Variants in GRK5 observed in about 807,000 individuals in gnomAD.
The protein encoded by GRK5 is g protein-coupled receptor kinase GRK5.
Under a neutral mutation model 78.4 loss-of-function variants are expected in GRK5, and 40 were observed. The observed-to-expected ratio is 0.51, with a 90% CI of 0.40 to 0.66. The LOEUF (loss-of-function observed/expected upper bound fraction) is 0.66, where lower values mean the gene tolerates loss of function less well. GRK5 is among the 30% of genes least tolerant of loss of function. The pLI is 0.00. For synonymous variants in GRK5, 289 were observed against 296.8 expected (o/e 0.97, Z 0.27); for missense variants, 598 against 759.9 (o/e 0.79, Z 2.50).
chr10:119,243,444 C>T (rs1849056766), intron 1 of GRK5, among the ~76,000 whole-genome samples: 1 of 152,148 alleles, frequency 6.6e-6, no homozygotes, highest in Non-Finnish European at 1.5e-5. Flanking sequence ...AACCCTTTGA[C>T]AGCAACTGAT....
intron 2 of GRK5, chr10:119,333,966 C>T (rs904405042): frequency 1.2e-4 from 49 of 422,900 alleles, no homozygotes; most frequent in African/African-American, 7.7e-4. Flanking sequence ...GATCTCTCTG[C>T]GAGCTCCCTG....
At chr10:119,230,570 T>C (rs1848810003) in intron 1 of GRK5, among the ~76,000 whole-genome samples, 1 of 151,822 alleles carries the variant, frequency 6.6e-6, no homozygotes, top group African/African-American at 2.4e-5. Context: ...CAAATACCTG[T>C]CCCCATGATT....
chr10:119,343,699 C>T (rs940714739), intron 2 of GRK5, among the ~76,000 whole-genome samples: 2 of 152,174 alleles, frequency 1.3e-5, no homozygotes, highest in South Asian at 2.1e-4. Flanking sequence ...GGGTTGGGCC[C>T]GGGACACCAG....
intron 4 of GRK5, among the ~76,000 whole-genome samples, chr10:119,405,242 G>A (rs1471354144): frequency 2.0e-5 from 3 of 152,120 alleles, no homozygotes; most frequent in African/African-American, 4.8e-5. Flanking sequence ...CTGGTATGGC[G>A]TCCTTCTGTG....
intron 2 of GRK5, among the ~76,000 whole-genome samples, chr10:119,341,989 C>T (rs1332298350): frequency 6.6e-6 from 1 of 152,204 alleles, no homozygotes; most frequent in African/African-American, 2.4e-5. Context: ...TTGCAGGCCC[C>T]TATCCGACCT....
At chr10:119,332,636 T>C (rs1029125424) in intron 2 of GRK5, among the ~76,000 whole-genome samples, 1 of 152,214 alleles carries the variant, frequency 6.6e-6, no homozygotes, top group Non-Finnish European at 1.5e-5. Flanking sequence ...ACTCTCTAAA[T>C]CCTATCCATG....
intron 4 of GRK5, among the ~76,000 whole-genome samples, chr10:119,403,339 G>T (rs1037389992): frequency 6.6e-6 from 1 of 152,026 alleles, no homozygotes; most frequent in African/African-American, 2.4e-5. Context: ...GCTAATTTTT[G>T]TATTTTTAGT....
At chr10:119,403,358 G>C (rs113502090) in intron 4 of GRK5, among the ~76,000 whole-genome samples, 2,738 of 152,176 alleles carry the variant, frequency 0.018, 83 homozygotes, top group African/African-American at 0.063. Context: ...GTAGAGACGG[G>C]GTTTCACCGT....
chr10:119,402,118 G>A (rs755308170), intron 4 of GRK5, among the ~76,000 whole-genome samples: 9 of 152,164 alleles, frequency 5.9e-5, no homozygotes, highest in South Asian at 4.1e-4. Flanking sequence ...ACTTCCTCTC[G>A]CAGTCCATGG....
intron 2 of GRK5, among the ~76,000 whole-genome samples, chr10:119,327,369 G>A (rs1378267104): frequency 6.6e-6 from 1 of 152,182 alleles, no homozygotes; most frequent in African/African-American, 2.4e-5. Context: ...TGGGGTCCCG[G>A]CCCTTCTCCC....
chr10:119,269,872 T>C (rs1589713496), intron 1 of GRK5, among the ~76,000 whole-genome samples: 1 of 145,786 alleles, frequency 6.9e-6, no homozygotes, highest in Admixed American at 6.8e-5. Context: ...GAGTTGGCTC[T>C]CCAAGCCTCT....
At chr10:119,226,714 T>C (rs923468838) in intron 1 of GRK5, among the ~76,000 whole-genome samples, 2 of 151,584 alleles carry the variant, frequency 1.3e-5, no homozygotes, top group African/African-American at 4.9e-5. Flanking sequence ...CCGGCTTTTT[T>C]TTTTCTTTTT....
At chr10:119,363,063 T>A (rs1851391260) in intron 2 of GRK5, among the ~76,000 whole-genome samples, 1 of 152,156 alleles carries the variant, frequency 6.6e-6, no homozygotes, top group Non-Finnish European at 1.5e-5. Flanking sequence ...GTGGATCACC[T>A]GAAGTCAGGA....
intron 4 of GRK5, among the ~76,000 whole-genome samples, chr10:119,409,160 G>C (rs1852293267): frequency 1.3e-5 from 2 of 152,228 alleles, no homozygotes; most frequent in Non-Finnish European, 2.9e-5. Context: ...ACTCTGCGCT[G>C]TGTCCTTAGC....
chr10:119,240,652 C>T (rs969268373), intron 1 of GRK5, among the ~76,000 whole-genome samples: 4 of 152,150 alleles, frequency 2.6e-5, no homozygotes, highest in Admixed American at 1.3e-4. Flanking sequence ...AGTATCTGTT[C>T]ATATCCTTTG....
chr10:119,370,287 T>C (rs1851525884), intron 2 of GRK5, among the ~76,000 whole-genome samples: 1 of 152,150 alleles, frequency 6.6e-6, no homozygotes, highest in Non-Finnish European at 1.5e-5. Context: ...CACCCTGCGA[T>C]TCAGTGGTTT....
intron 1 of GRK5, among the ~76,000 whole-genome samples, chr10:119,251,559 A>G (rs899666485): frequency 6.6e-6 from 1 of 152,202 alleles, no homozygotes; most frequent in African/African-American, 2.4e-5. Flanking sequence ...GGCTGCGAAC[A>G]TTTATCTGGA....
chr10:119,300,274 G>A (rs56411168), intron 1 of GRK5, among the ~76,000 whole-genome samples: 5,247 of 152,296 alleles, frequency 0.034, 98 homozygotes, highest in African/African-American at 0.053. Context: ...AATATAAGTC[G>A]TCTTTTTTGC....
chr10:119,245,416 G>T (rs1425279498), intron 1 of GRK5, among the ~76,000 whole-genome samples: 1 of 152,162 alleles, frequency 6.6e-6, no homozygotes, highest in Admixed American at 6.5e-5. Context: ...AAACTGTGGC[G>T]TGTTCGTGCA....
Sources: gnomAD v4.1 joint callset for allele counts (sites outside exome capture counted in the v4.1 genomes callset) on GRCh38, gnomAD v4.1.1 for gene constraint, MANE v1.5 for transcripts, NCBI Gene and HGNC (gene_info 2026-07-23, HGNC 2026-07-21) for gene names.